The following MAP3K13 variants were observed in gnomAD, a reference collection of about 807,000 sequenced individuals.
MAP3K13 encodes the protein mitogen-activated protein kinase kinase kinase 13.
A neutral mutation model predicts 104.0 loss-of-function variants in MAP3K13; 52 were observed. The observed-to-expected ratio is 0.50, with a 90% confidence interval of 0.40 to 0.63. The LOEUF is 0.63. Among genes scored for constraint, MAP3K13 ranks in the 20% least tolerant of loss-of-function variants. The pLI is 0.00. For missense variants in MAP3K13, 914 were observed against 1,218.5 expected, an observed-to-expected ratio of 0.75 and a Z score of 3.72; for synonymous variants, 394 against 442.2, an observed-to-expected ratio of 0.89 and a Z score of 1.37.
At chr3:185,330,832 A>G (rs1438976994) in intron 2 of MAP3K13, among the ~76,000 whole-genome samples, 1 of 152,166 alleles carries the variant, frequency 6.6e-6, no homozygotes, top group South Asian at 2.1e-4. Context: ...TGTGTTTTAC[A>G]TCATTGCCTG....
chr3:185,386,008 A>AG (rs1711665355), intron 1 of MAP3K13, among the ~76,000 whole-genome samples: 1 of 152,148 alleles, frequency 6.6e-6, no homozygotes, highest in South Asian at 2.1e-4. Flanking sequence ...TCTTAAAAAA[A>AG]AAAAAAGTTA....
intron 13 of MAP3K13, among the ~76,000 whole-genome samples, chr3:185,480,958 C>A (rs988944011): frequency 2.0e-5 from 3 of 152,122 alleles, no homozygotes; most frequent in Non-Finnish European, 4.4e-5. Flanking sequence ...GTGCCTCCCC[C>A]AACATTGGGA....
At chr3:185,304,687 A>G (rs1461194119) in intron 2 of MAP3K13, among the ~76,000 whole-genome samples, 1 of 151,952 alleles carries the variant, frequency 6.6e-6, no homozygotes, top group Non-Finnish European at 1.5e-5. Flanking sequence ...AGGCTGGAGT[A>G]CAGTGGCGCG....
chr3:185,341,327 A>G (rs2108720503), intron 2 of MAP3K13, among the ~76,000 whole-genome samples: 1 of 152,332 alleles, frequency 6.6e-6, no homozygotes, highest in South Asian at 2.1e-4. Context: ...TGAAGAAGCT[A>G]TAAGCCAAGG....
intron 2 of MAP3K13, among the ~76,000 whole-genome samples, chr3:185,305,598 G>A (rs1427119587): frequency 1.3e-5 from 2 of 152,012 alleles, no homozygotes; most frequent in African/African-American, 4.8e-5. Context: ...AGCTTTACGT[G>A]TTTATATGCT....
intron 2 of MAP3K13, among the ~76,000 whole-genome samples, chr3:185,343,608 A>G (rs1722802896): frequency 6.6e-6 from 1 of 151,962 alleles, no homozygotes; most frequent in South Asian, 2.1e-4. Context: ...ACGTGCCACC[A>G]TGCCCAGCTA....
In MAP3K13 at chr3:185,418,170, C is replaced by T; in HGVS notation, c.-85-10327C>T. 1.2e-6 allele frequency: 2 copies of T among 1,611,048 alleles called. No homozygotes were observed. The highest frequency in any genetic ancestry group is 1.7e-6 in the Non-Finnish European group (2 of 1,178,708). ...TATAGATGATGCACAGGCCCCTGCG[C>T]TGGATACGGCGACGGTTTCTCATTT... On this transcript the variant is annotated intron_variant, in intron 1 of 13. Transcript: ENST00000265026. The surrounding 1 kb of genome is among the most constrained non-coding windows in gnomAD (Gnocchi z 4.5).
chr3:185,365,205 A>G (rs1322792454), intron 1 of MAP3K13, among the ~76,000 whole-genome samples: 2 of 152,176 alleles, frequency 1.3e-5, no homozygotes, highest in African/African-American at 4.8e-5. Flanking sequence ...TGTATTCTAC[A>G]TTATATTTAT....
chr3:185,459,267 C>T (rs1174843660), intron 7 of MAP3K13, among the ~76,000 whole-genome samples: 2 of 152,108 alleles, frequency 1.3e-5, no homozygotes, highest in African/African-American at 4.8e-5. Flanking sequence ...AAGGGTTGGA[C>T]TGGACCCCAC....
chr3:185,477,037 A>G (rs1034203010), intron 11 of MAP3K13: 2 of 538,044 alleles, frequency 3.7e-6, no homozygotes, highest in Non-Finnish European at 7.1e-6. Flanking sequence ...CCTCTCCATC[A>G]CTCACCTCTG....
intron 2 of MAP3K13, among the ~76,000 whole-genome samples, chr3:185,347,873 G>T (rs1310187687): frequency 6.6e-6 from 1 of 151,922 alleles, no homozygotes; most frequent in Non-Finnish European, 1.5e-5. Flanking sequence ...CCAGGTGTGT[G>T]TGGTGGTGCA....
At chr3:185,455,255 G>GAGATATATATATGATATATATT (rs1716430575) in intron 7 of MAP3K13, among the ~76,000 whole-genome samples, 1 of 35,268 alleles carries the variant, frequency 2.8e-5, no homozygotes, top group Non-Finnish European at 6.9e-5. Flanking sequence ...TGATATATAT[G>GAGATATATATATGATATATATT]AGATATATGA....
At chr3:185,443,049 C>T (rs2148892418) in intron 3 of MAP3K13, among the ~76,000 whole-genome samples, 1 of 152,166 alleles carries the variant, frequency 6.6e-6, no homozygotes, top group Non-Finnish European at 1.5e-5. Flanking sequence ...CCATCTTGGC[C>T]AGGCTGGTCT....
intron 7 of MAP3K13, among the ~76,000 whole-genome samples, chr3:185,453,494 G>A (rs1316988381): frequency 1.3e-5 from 2 of 152,138 alleles, no homozygotes; most frequent in East Asian, 3.9e-4. Flanking sequence ...TCATCCCTGG[G>A]AGCTGAACAA....
At chr3:185,346,708 A>G (rs1722936229) in intron 2 of MAP3K13, among the ~76,000 whole-genome samples, 1 of 152,196 alleles carries the variant, frequency 6.6e-6, no homozygotes, top group Non-Finnish European at 1.5e-5. Flanking sequence ...TCTACATTTT[A>G]AGCCTACTGA....
At position 185,428,794 on chromosome 3, in the gene MAP3K13, C is replaced by T. The variant is rs761954734; in HGVS notation, c.213C>T (p.Ser71=). 7.7e-5 allele frequency: 124 copies of T among 1,613,990 alleles called. No individual in the cohort carries two copies. Among genetic ancestry groups the T allele is most frequent in the Non-Finnish European group, 1.0e-4 (120 of 1,180,014 alleles). The part of the protein sequence containing the change: ...HSPVTTTVLT[S]VSEDSRDQFE... The stretch of plus-strand genomic sequence containing the variant: ...CCGTCACCACAACAGTGTTGACGAG[C>T]GTAAGTGAGGATTCCAGGGACCAGT... Residue 71 remains serine (S), a synonymous_variant, in exon 2 of 14, where the codon AGC becomes AGT. Transcript: ENST00000265026.
In MAP3K13 at chr3:185,418,799, A is replaced by G. The variant is rs991480940; in HGVS notation, c.-85-9698A>G. ...GCCATGGCGGAGAGAGGAGACAGCC[A>G]CGCTCCTCTCAGCCCGGCTGCTGCC... On this transcript the variant is annotated intron_variant, in intron 1 of 13. Coordinates refer to ENST00000265026, the MANE Select transcript of MAP3K13 (RefSeq NM_004721.5). The surrounding 1 kb of genome is among the most constrained non-coding windows in gnomAD (Gnocchi z 4.5). 4 of 1,586,580 alleles carry G rather than the reference A, an allele frequency of 2.5e-6. No homozygotes were observed. The African/African-American group carries it at 5.4e-5, about 21-fold the overall frequency.
intron 2 of MAP3K13, among the ~76,000 whole-genome samples, chr3:185,332,378 AAAACTAATTTTCATTTTT>A (rs1440635145): frequency 3.3e-5 from 5 of 152,218 alleles, no homozygotes; most frequent in Admixed American, 1.3e-4. Flanking sequence ...TGAAGTTTTA[AAAACTAATTTTCATTTTT>A]AATTGTGGTT....
At chr3:185,376,593 T>A (rs1265912427) in intron 1 of MAP3K13, among the ~76,000 whole-genome samples, 2 of 151,976 alleles carry the variant, frequency 1.3e-5, no homozygotes, top group Non-Finnish European at 2.9e-5. Flanking sequence ...TAGGGCTGTT[T>A]TTTAAGGAAT....
Sources: gnomAD v4.1 joint callset for allele counts (sites outside exome capture counted in the v4.1 genomes callset) on GRCh38, gnomAD v4.1.1 for gene constraint, Gnocchi (gnomAD v3.1) non-coding constraint, MANE v1.5 for transcripts, NCBI Gene and HGNC (gene_info 2026-07-23, HGNC 2026-07-21) for gene names.